PHYKPL: variants seen among roughly 807,000 people sequenced by gnomAD.
PHYKPL encodes the protein 5-phosphohydroxy-L-lysine phospho-lyase, also known as 5-phosphonooxy-L-lysine phospho-lyase.
A neutral mutation model predicts 51.3 loss-of-function variants in PHYKPL; 42 were observed. The observed-to-expected ratio is 0.82, with a 90% confidence interval of 0.64 to 1.06. The LOEUF (loss-of-function observed/expected upper bound fraction) is 1.06, where lower values mean the gene tolerates loss of function less well. Ranked by LOEUF, PHYKPL falls within the 50% of genes least tolerant of loss-of-function variation. PHYKPL has a pLI of 0.00. For missense variants in PHYKPL, 655 were observed against 586.6 expected (o/e 1.12, Z -1.20); for synonymous variants, 264 against 236.0 (o/e 1.12, Z -1.09).
At chr5:178,222,245 G>T in intron 8 of PHYKPL, 110 bp downstream of exon 8, 1 of 913,722 alleles carries the variant, frequency 1.1e-6, no homozygotes, top group Non-Finnish European at 1.6e-6. Context: ...TCTTGGAAGC[G>T]TGTGCTGGGC....
At chr5:178,212,229 C>T (rs534979757) in intron 11 of PHYKPL, among the ~76,000 whole-genome samples, 2 of 152,352 alleles carry the variant, frequency 1.3e-5, no homozygotes, top group African/African-American at 4.8e-5. Context: ...AAACACACTC[C>T]TATTCATCAT....
Position 178,231,501 on chromosome 5 carries a change from G to A in PHYKPL, c.82C>T (p.Pro28Ser). Residue 28 changes from proline (P) to serine (S), a missense_variant, in exon 2 of 13, where the codon CCC becomes TCC. Physicochemically the swap from Pro to Ser is moderately conservative, Grantham distance 74. Coordinates refer to ENST00000308158, the MANE Select transcript of PHYKPL (RefSeq NM_153373.4). ...CGGACAATCTTAACAGGATCCTCGG[G>A]AAAAAAGAGTCTGCAGGAAGAGCTG... ...LISSSCRLFF[P>S]EDPVKIVRAQ... The A allele has an allele frequency of 3.1e-6, 5 of 1,614,096 alleles. No homozygotes were observed. Among genetic ancestry groups the A allele is most frequent in the East Asian group, 2.2e-5 (1 of 44,872 alleles).
At chr5:178,222,216 A>G in intron 8 of PHYKPL, 139 bp downstream of exon 8, 2 of 690,806 alleles carry the variant, frequency 2.9e-6, no homozygotes, top group Non-Finnish European at 4.7e-6. Context: ...ACCTGGCTAT[A>G]ATCTCCTTAA....
downstream of PHYKPL, among the ~76,000 whole-genome samples, chr5:178,208,281 G>C (rs541727864): frequency 3.9e-5 from 6 of 152,344 alleles, no homozygotes; most frequent in East Asian, 1.2e-3. Flanking sequence ...CTCTATCCTG[G>C]CTGGGAGTTT....
chr5:178,210,626 C>T lies in PHYKPL; in HGVS notation c.*31+1264G>A, dbSNP rs374005803. Reference sequence around the variant, plus strand: ...AGAATAACTACAAGCCATACTGAGGCGGCAGCAGGAGCGACCAACTGATCG... The same window carrying T: ...AGAATAACTACAAGCCATACTGAGGTGGCAGCAGGAGCGACCAACTGATCG... On this transcript the variant is annotated intron_variant, in intron 12 of 12. Transcript: ENST00000308158. 59 of 1,612,188 alleles carry T rather than the reference C, an allele frequency of 3.7e-5. No homozygotes were observed. In the South Asian group the frequency reaches 4.9e-4, roughly 14 times the overall value.
chr5:178,220,476 C>A (rs140552100), intron 8 of PHYKPL, among the ~76,000 whole-genome samples: 1 of 152,052 alleles, frequency 6.6e-6, no homozygotes, highest in Non-Finnish European at 1.5e-5. Context: ...GCCTGGGCAA[C>A]AAGAGTGAAA....
chr5:178,232,339 C>T, intron 1 of PHYKPL, 153 bp downstream of exon 1: 1 of 1,275,298 alleles, frequency 7.8e-7, no homozygotes, highest in East Asian at 3.4e-5. Context: ...GCCCTAGAAG[C>T]TCCAGCGGGG....
chr5:178,216,693 C>G (rs1444963697), intron 8 of PHYKPL: 1 of 152,330 alleles, frequency 6.6e-6, no homozygotes, highest in Admixed American at 6.5e-5. Context: ...AAACTGCGCC[C>G]GAGGAAGCTG....
chr5:178,214,048 G>A (rs1241537688), intron 10 of PHYKPL, among the ~76,000 whole-genome samples: 1 of 152,164 alleles, frequency 6.6e-6, no homozygotes, highest in Non-Finnish European at 1.5e-5. Flanking sequence ...CTGGGGATGT[G>A]ACTGACAGCA....
intron 2 of PHYKPL, 135 bp downstream of exon 2, chr5:178,231,270 C>T (rs970563500): frequency 3.5e-6 from 5 of 1,420,530 alleles, no homozygotes; most frequent in East Asian, 2.3e-5. Flanking sequence ...GAAGGCTGAG[C>T]CTCCTCTGCA....
intron 3 of PHYKPL, among the ~76,000 whole-genome samples, chr5:178,227,846 A>G (rs1762595156): frequency 6.6e-6 from 1 of 152,130 alleles, no homozygotes; most frequent in Non-Finnish European, 1.5e-5. Context: ...ATGGAGATGG[A>G]GAGGTGGAGG....
chr5:178,210,876 A>G (rs535990500), intron 12 of PHYKPL: 1 of 546,278 alleles, frequency 1.8e-6, no homozygotes, highest in South Asian at 2.2e-5. Context: ...CCCCAGAAGC[A>G]GGTGGGAGGC....
Position 178,210,051 on chromosome 5 carries a change from C to A in PHYKPL, c.*32-1136G>T, listed in dbSNP as rs372712452. 1.6e-5 allele frequency: 25 copies of A among 1,569,944 alleles called. No individual in the cohort carries two copies. In the African/African-American group the frequency reaches 2.2e-4, roughly 14 times the overall value. ...GAGTTGCCACAGTAACCCTGCCACCCCAAAGGGCAGGATTTCCTCCATCCT... is the reference window on the plus strand; with the variant it reads ...GAGTTGCCACAGTAACCCTGCCACCACAAAGGGCAGGATTTCCTCCATCCT... On this transcript the variant is annotated intron_variant, in intron 12 of 12. Transcript: ENST00000308158.
At chr5:178,210,928 C>G (rs895281718) in intron 12 of PHYKPL, 1 of 403,676 alleles carries the variant, frequency 2.5e-6, no homozygotes, top group Non-Finnish European at 4.5e-6. Flanking sequence ...CCTGTGGACC[C>G]TGGTTGTAAA....
chr5:178,224,765 G>T, intron 4 of PHYKPL, 36 bp from the exon 5 acceptor site: 1 of 1,544,002 alleles, frequency 6.5e-7, no homozygotes, highest in Non-Finnish European at 8.9e-7. Flanking sequence ...TCGGGTCCGG[G>T]CAGCACCTAC....
At chr5:178,230,318 CAGA>C (rs1436512029) in intron 2 of PHYKPL, 1 of 553,008 alleles carries the variant, frequency 1.8e-6, no homozygotes, top group Non-Finnish European at 3.2e-6. Flanking sequence ...GCCGCTTCAG[CAGA>C]AGAACCCTGT....
chr5:178,209,899 T>C (rs542241980), intron 12 of PHYKPL, among the ~76,000 whole-genome samples: 11 of 151,992 alleles, frequency 7.2e-5, no homozygotes, highest in South Asian at 2.1e-4. Flanking sequence ...ACTGAGTGAG[T>C]GAGCTGCCTT....
intron 3 of PHYKPL, among the ~76,000 whole-genome samples, chr5:178,228,978 C>T (rs1762837984): frequency 6.6e-6 from 1 of 152,202 alleles, no homozygotes; most frequent in African/African-American, 2.4e-5. Context: ...ACAGCCTCTG[C>T]TTTCCCTTCG....
intron 3 of PHYKPL, chr5:178,225,879 A>G (rs913647181): frequency 7.6e-5 from 13 of 171,128 alleles, no homozygotes; most frequent in Admixed American, 4.5e-4. Flanking sequence ...CAGATCCCAC[A>G]GCATGAGGGC....
Sources: gnomAD v4.1 joint callset for allele counts (sites outside exome capture counted in the v4.1 genomes callset) on GRCh38, gnomAD v4.1.1 for gene constraint, MANE v1.5 for transcripts, NCBI Gene and HGNC (gene_info 2026-07-23, HGNC 2026-07-21) for gene names.